Variants in XYLT2 observed in about 807,000 individuals in gnomAD.
The protein encoded by XYLT2 is UDP-D-xylose:proteoglycan core protein beta-D-xylosyltransferase.
A neutral mutation model predicts 82.6 loss-of-function variants in XYLT2; 37 were observed. That is an observed-to-expected ratio of 0.45 (90% CI 0.34 to 0.59). XYLT2 has a LOEUF of 0.59. Ranked by LOEUF, XYLT2 falls within the 20% of genes least tolerant of loss-of-function variation. The probability of loss-of-function intolerance (pLI) is 0.01; values close to 1 mark genes in which losing one functional copy is unlikely to be tolerated. For synonymous variants in XYLT2, 474 were observed against 499.0 expected, an observed-to-expected ratio of 0.95 and a Z score of 0.67; for missense variants, 934 against 1,181.3, an observed-to-expected ratio of 0.79 and a Z score of 3.07.
intron 1 of XYLT2, among the ~76,000 whole-genome samples, chr17:50,347,894 C>T (rs995610772): frequency 2.0e-5 from 3 of 152,206 alleles, no homozygotes; most frequent in African/African-American, 7.2e-5. Context: ...CTGAGAAGAC[C>T]ACCAGCAAAT....
At chr17:50,357,470 A>G (rs1196766736) in intron 9 of XYLT2, 2 of 515,178 alleles carry the variant, frequency 3.9e-6, no homozygotes, top group African/African-American at 2.0e-5. Flanking sequence ...GGGAGCAGGG[A>G]GGGAATTATC....
At position 50,353,817 on chromosome 17, in the gene XYLT2, G is replaced by A. The variant is rs750036599; in HGVS notation, c.323G>A (p.Arg108Gln). ...ACCAGCCGGCAGAGAGCCAGCCGGCGGGTCCCACCTGCCCCACCCCCGGAA... is the reference window on the plus strand; with the variant it reads ...ACCAGCCGGCAGAGAGCCAGCCGGCAGGTCCCACCTGCCCCACCCCCGGAA... ...AVTSRQRASRRVPPAPPPEAP... is the reference protein window; with the variant it reads ...AVTSRQRASRQVPPAPPPEAP... The change falls in exon 2 of 11, where the codon CGG becomes CAG. Residue 108 changes from arginine (R) to glutamine (Q), a missense_variant. This residue lies in a region of XYLT2 where 371 missense variants were observed against 394.9 expected (regional missense o/e 0.94). Coordinates refer to ENST00000017003, the MANE Select transcript of XYLT2 (RefSeq NM_022167.4). The A allele has an allele frequency of 3.8e-6, 6 of 1,579,568 alleles. No homozygotes were observed. The African/African-American group carries it at 5.4e-5, about 14-fold the overall frequency.
In XYLT2 at chr17:50,361,143, ATC is replaced by A. The variant is rs2050161805; in HGVS notation, c.*858_*859del. ...TATGCAACAGAAGAAATATATCTCT[ATC>A]TCTCTACTCTGGGCTCTGTGTTTTT... On this transcript the variant is annotated 3_prime_UTR_variant, in exon 11 of 11. Transcript: ENST00000017003. The A allele has an allele frequency of 6.1e-6, 6 of 985,754 alleles. 1 individual carries two copies. In the South Asian group the frequency reaches 2.3e-4, roughly 39 times the overall value. 61.1% of individuals were successfully genotyped at this position (985,754 alleles called of 1,614,324 possible).
In XYLT2 at chr17:50,360,827, T is replaced by C. The variant is rs1053815543; in HGVS notation, c.*536T>C. 3 of 985,824 alleles carry C rather than the reference T, an allele frequency of 3.0e-6. No homozygotes were observed. The African/African-American group carries it at 5.2e-5, about 17-fold the overall frequency. 61.1% of individuals were successfully genotyped at this position (985,824 alleles called of 1,614,324 possible). A position where few individuals can be genotyped will look rare whatever the true frequency, so the allele number is the denominator to read the frequency against. On this transcript the variant is annotated 3_prime_UTR_variant, in exon 11 of 11. Coordinates refer to ENST00000017003, the MANE Select transcript of XYLT2 (RefSeq NM_022167.4). ...CAGGGCTGCAAGTGCCCTGCCAGGC[T>C]CTAAGGCCCGAAGAACAGGTGATAT...
At chr17:50,352,321 G>A (rs57609967) in intron 1 of XYLT2, among the ~76,000 whole-genome samples, 7,003 of 152,292 alleles carry the variant, frequency 0.046, 566 homozygotes, top group African/African-American at 0.16. Flanking sequence ...TTCACATGGT[G>A]GCCCCTGTTC....
intron 2 of XYLT2, 107 bp from the exon 3 acceptor site, chr17:50,354,301 A>G: frequency 6.7e-7 from 1 of 1,496,388 alleles, no homozygotes; most frequent in Non-Finnish European, 8.9e-7. Context: ...ACGAGCATGG[A>G]GCTCCAAGTC....
Position 50,346,298 on chromosome 17 carries a change from G to A in XYLT2, c.135+23G>A, listed in dbSNP as rs547027211. On this transcript the variant is annotated intron_variant, in intron 1 of 10. Coordinates refer to ENST00000017003, the MANE Select transcript of XYLT2 (RefSeq NM_022167.4). The surrounding 1 kb of genome is among the most constrained non-coding windows in gnomAD (Gnocchi z 5.1). ...GAGGTGCTCCGACGGCCGGGCGGGC[G>A]GGCAGGCCGGGCGCGGGGGCGCGCG... 2.8e-6 allele frequency: 3 copies of A among 1,057,738 alleles called. No homozygotes were observed. The highest frequency in any genetic ancestry group is 7.4e-5 in the East Asian group (1 of 13,542). The allele number at this position is 1,057,738 out of a possible 1,614,324, so 65.5% of individuals were successfully genotyped here.
intron 1 of XYLT2, among the ~76,000 whole-genome samples, chr17:50,352,569 C>G (rs1371629759): frequency 6.6e-6 from 1 of 152,132 alleles, no homozygotes; most frequent in African/African-American, 2.4e-5. Flanking sequence ...TCAGGCAGGG[C>G]AAGTAGGATG....
rs1257525497 is a variant in XYLT2, at chr17:50,346,130, C to G, written c.-11C>G. ...AGGGCTGGGCGCGCGCCCCGCGTCCCGGGCAGGAAGATGGTGGCGAGCGCG... is the reference window on the plus strand; with the variant it reads ...AGGGCTGGGCGCGCGCCCCGCGTCCGGGGCAGGAAGATGGTGGCGAGCGCG... On this transcript the variant is annotated 5_prime_UTR_variant, in exon 1 of 11. Coordinates refer to ENST00000017003, the MANE Select transcript of XYLT2 (RefSeq NM_022167.4). This position sits in a 1 kb window ranked among gnomAD's most constrained non-coding sequence, Gnocchi z 5.1. The G allele has an allele frequency of 9.0e-6, 11 of 1,218,702 alleles. No homozygotes were observed. The highest frequency in any genetic ancestry group is 1.0e-4 in the East Asian group (2 of 19,054). 75.5% of individuals were successfully genotyped at this position (1,218,702 alleles called of 1,614,324 possible).
intron 1 of XYLT2, among the ~76,000 whole-genome samples, chr17:50,351,557 C>T (rs1433474223): frequency 1.3e-5 from 2 of 152,118 alleles, no homozygotes; most frequent in Non-Finnish European, 2.9e-5. Context: ...TCACTTGAAC[C>T]CAGGAGGCAG....
chr17:50,346,758 AG>A lies in XYLT2; in HGVS notation c.135+487del, dbSNP rs1912061426. The A allele has an allele frequency of 1.0e-6, 1 of 984,736 alleles. No homozygotes were observed. The highest frequency in any genetic ancestry group is 1.2e-6 in the Non-Finnish European group (1 of 829,654). 61.0% of individuals were successfully genotyped at this position (984,736 alleles called of 1,614,324 possible). On this transcript the variant is annotated intron_variant, in intron 1 of 10. Transcript: ENST00000017003. The surrounding 1 kb of genome is among the most constrained non-coding windows in gnomAD (Gnocchi z 5.1). ...CCCGAGGGGCAGCGGCCGGTGAGGA[AG>A]GGGAGCTCGGGGGTGGAATTCAGGC...
At position 50,358,323 on chromosome 17, in the gene XYLT2, C is replaced by G. The variant is rs777005349; in HGVS notation, c.2058C>G (p.Ala686=). The G allele has an allele frequency of 9.9e-6, 16 of 1,614,040 alleles. No individual in the cohort carries two copies. Among genetic ancestry groups the G allele is most frequent in the Non-Finnish European group, 1.4e-5 (16 of 1,180,040 alleles). The change falls in exon 10 of 11, where the codon GCC becomes GCG. Residue 686 remains alanine (A), a synonymous_variant. Transcript: ENST00000017003. ...GGGCCCGGGGCCCCAACCTCACAGCCACAGTGGTCTGGATCGACCCAACCT... is the reference window on the plus strand; with the variant it reads ...GGGCCCGGGGCCCCAACCTCACAGCGACAGTGGTCTGGATCGACCCAACCT... ...QRWARGPNLT[A]TVVWIDPTYV...
intron 1 of XYLT2, among the ~76,000 whole-genome samples, chr17:50,351,031 G>A (rs1020637994): frequency 6.6e-6 from 1 of 152,186 alleles, no homozygotes; most frequent in African/African-American, 2.4e-5. Flanking sequence ...GGAGAAGGGG[G>A]CATCCAGACA....
Position 50,346,736 on chromosome 17 carries a change from G to C in XYLT2, c.135+461G>C. 2.0e-6 allele frequency: 2 copies of C among 985,418 alleles called. No homozygotes were observed. 61.0% of individuals were successfully genotyped at this position (985,418 alleles called of 1,614,324 possible). On this transcript the variant is annotated intron_variant, in intron 1 of 10. Transcript: ENST00000017003. The surrounding 1 kb of genome is among the most constrained non-coding windows in gnomAD (Gnocchi z 5.1). ...AGGGCGTCCTTCCCCAGCTGAGCCC[G>C]AGGGGCAGCGGCCGGTGAGGAAGGG...
Position 50,355,500 on chromosome 17 carries a change from G to T in XYLT2, c.1008-1G>T. The T allele has an allele frequency of 6.2e-7, 1 of 1,614,126 alleles. No individual in the cohort carries two copies. Among genetic ancestry groups the T allele is most frequent in the South Asian group, 1.1e-5 (1 of 91,086 alleles). ...TGCCTGTCACCCCATTCCTTCACCA[G>T]GACCAATGAGGAGCTGGTGGCATTC... On this transcript the variant is annotated splice_acceptor_variant, in intron 4 of 10. Coordinates refer to ENST00000017003, the MANE Select transcript of XYLT2 (RefSeq NM_022167.4). LOFTEE classifies it high-confidence loss of function.
Position 50,355,011 on chromosome 17 carries a change from C to T in XYLT2, c.962C>T (p.Ala321Val). The T allele has an allele frequency of 6.5e-7, 1 of 1,541,484 alleles. No homozygotes were observed. The highest frequency in any genetic ancestry group is 2.0e-5 in the Admixed American group (1 of 49,926). The part of the protein sequence containing the change: ...MRDLLEVPGW[A>V]WDFFINLSAT... ...GACCTGCTAGAGGTGCCTGGCTGGGCCTGGGACTTCTTCATCAACCTCAGT... is the reference window on the plus strand; with the variant it reads ...GACCTGCTAGAGGTGCCTGGCTGGGTCTGGGACTTCTTCATCAACCTCAGT... Residue 321 changes from alanine to valine, a missense_variant, in exon 4 of 11, where the codon GCC (alanine) becomes GTC (valine). Ala to Val is a moderately conservative substitution (Grantham distance 64). Coordinates refer to ENST00000017003, the MANE Select transcript of XYLT2 (RefSeq NM_022167.4).
intron 8 of XYLT2, 122 bp downstream of exon 8, chr17:50,356,895 A>G: frequency 6.7e-7 from 1 of 1,492,004 alleles, no homozygotes; most frequent in South Asian, 1.3e-5. Context: ...AAAAATGCAA[A>G]TACCGAAAAG....
chr17:50,347,533 AGT>A (rs1912093066), intron 1 of XYLT2, among the ~76,000 whole-genome samples: 1 of 152,082 alleles, frequency 6.6e-6, no homozygotes, highest in African/African-American at 2.4e-5. Flanking sequence ...CAAGTAGGAG[AGT>A]GTTTCAGGCC....
At chr17:50,355,130 G>C (rs527707924) in intron 4 of XYLT2, 74 bp downstream of exon 4, 1 of 1,449,536 alleles carries the variant, frequency 6.9e-7, no homozygotes, top group Non-Finnish European at 9.3e-7. Flanking sequence ...GGAGGGCTTT[G>C]GTGGACCTTC....
Sources: gnomAD v4.1 joint callset for allele counts (sites outside exome capture counted in the v4.1 genomes callset) on GRCh38, gnomAD v4.1.1 for gene constraint, gnomAD v4.1.1 regional missense constraint, Gnocchi (gnomAD v3.1) non-coding constraint, MANE v1.5 for transcripts, NCBI Gene and HGNC (gene_info 2026-07-23, HGNC 2026-07-21) for gene names.